The following SPATS2 variants were observed in gnomAD, a reference collection of about 807,000 sequenced individuals.
SPATS2 encodes spermatogenesis-associated serine-rich protein 2.
SPATS2 carries 38 observed loss-of-function variants against 63.7 expected under a neutral mutation model. The observed-to-expected ratio is 0.60, with a 90% confidence interval of 0.46 to 0.78. SPATS2 has a LOEUF of 0.78. SPATS2 is among the 30% of genes least tolerant of loss of function. The pLI is 0.00. For synonymous variants in SPATS2, 207 were observed against 232.9 expected (o/e 0.89, Z 1.01); for missense variants, 588 against 666.2 (o/e 0.88, Z 1.29).
chr12:49,493,345 A>G (rs1946414956), intron 6 of SPATS2, among the ~76,000 whole-genome samples: 1 of 151,840 alleles, frequency 6.6e-6, no homozygotes, highest in Admixed American at 6.6e-5. Flanking sequence ...CCTATGCAAT[A>G]TACTCACATG....
At chr12:49,501,448 C>T (rs571258156) in intron 9 of SPATS2, among the ~76,000 whole-genome samples, 7 of 152,120 alleles carry the variant, frequency 4.6e-5, no homozygotes, top group Non-Finnish European at 4.4e-5. Flanking sequence ...ATGACCTAAT[C>T]ATCTCTTAAA....
At chr12:49,380,987 A>G (rs979137183) in intron 2 of SPATS2, among the ~76,000 whole-genome samples, 11 of 151,532 alleles carry the variant, frequency 7.3e-5, no homozygotes, top group South Asian at 4.2e-4. Flanking sequence ...CGGCTGTACC[A>G]TTTTACATTC....
chr12:49,523,370 A>G (rs576089414), intron 12 of SPATS2, among the ~76,000 whole-genome samples: 15 of 115,520 alleles, frequency 1.3e-4, no homozygotes, highest in African/African-American at 4.7e-4. Flanking sequence ...AGTCCTAGCT[A>G]CTCAGGAGGT....
chr12:49,486,593 C>T (rs1258536235), intron 4 of SPATS2, among the ~76,000 whole-genome samples: 3 of 152,062 alleles, frequency 2.0e-5, no homozygotes, highest in South Asian at 4.1e-4. Flanking sequence ...TATTAACCTT[C>T]GTTGAATTAC....
chr12:49,512,450 A>AG (rs1946768324), intron 9 of SPATS2, among the ~76,000 whole-genome samples: 1 of 151,854 alleles, frequency 6.6e-6, no homozygotes. Flanking sequence ...TTTTTAATGG[A>AG]GGGGTTATAT....
intron 2 of SPATS2, among the ~76,000 whole-genome samples, chr12:49,440,030 G>A (rs1343981907): frequency 6.6e-6 from 1 of 152,142 alleles, no homozygotes; most frequent in Non-Finnish European, 1.5e-5. Flanking sequence ...TTACTGAAAA[G>A]TTACGAGAAT....
chr12:49,367,462 G>A lies in SPATS2; in HGVS notation c.-432G>A, dbSNP rs1347517506. The A allele has an allele frequency of 7.5e-6, 3 of 400,868 alleles. No individual in the cohort carries two copies. The highest frequency in any genetic ancestry group is 1.3e-5 in the Non-Finnish European group (3 of 228,366). The allele number at this position is 400,868 out of a possible 1,614,324, so 24.8% of individuals were successfully genotyped here. ...GAGAGAGCTGGGGGAGGAGCGCGGCGGCGACGGCGGCGGTGGCTCTAGAAG... is the reference window on the plus strand; with the variant it reads ...GAGAGAGCTGGGGGAGGAGCGCGGCAGCGACGGCGGCGGTGGCTCTAGAAG... On this transcript the variant is annotated 5_prime_UTR_variant, in exon 1 of 14. Coordinates refer to ENST00000552918, the MANE Select transcript of SPATS2 (RefSeq NM_023071.4).
chr12:49,471,907 G>C (rs1253127505), intron 3 of SPATS2, among the ~76,000 whole-genome samples: 4 of 152,024 alleles, frequency 2.6e-5, no homozygotes, highest in Non-Finnish European at 5.9e-5. Context: ...CCAGTACTTT[G>C]GGAGGGTCAT....
At chr12:49,420,778 C>T (rs1317154532) in intron 2 of SPATS2, among the ~76,000 whole-genome samples, 4 of 151,974 alleles carry the variant, frequency 2.6e-5, no homozygotes, top group Admixed American at 2.0e-4. Flanking sequence ...CTTGGGAGGC[C>T]GAAGTGAAAT....
intron 2 of SPATS2, among the ~76,000 whole-genome samples, chr12:49,411,996 G>A (rs902214928): frequency 2.0e-5 from 3 of 152,070 alleles, no homozygotes; most frequent in Non-Finnish European, 2.9e-5. Context: ...ACATCGAATT[G>A]TATATCTTCA....
Position 49,500,100 on chromosome 12 carries a change from T to G in SPATS2, c.734T>G (p.Leu245Arg). 6.4e-7 allele frequency: 1 copy of G among 1,562,242 alleles called. No homozygotes were observed. Among genetic ancestry groups the G allele is most frequent in the South Asian group, 1.2e-5 (1 of 81,540 alleles). The change falls in exon 9 of 14, where the codon CTC (leucine) becomes CGC (arginine). Residue 245 changes from leucine (L) to arginine (R), a missense_variant. Physicochemically the swap from Leu to Arg is moderately radical, Grantham distance 102. Coordinates refer to ENST00000552918, the MANE Select transcript of SPATS2 (RefSeq NM_023071.4). ...AATATTGAAAAATCTGTAAAAGACCTCCAGCGCTGCACAGTGTCTCTTGCA... is the reference window on the plus strand; with the variant it reads ...AATATTGAAAAATCTGTAAAAGACCGCCAGCGCTGCACAGTGTCTCTTGCA... Reference protein sequence around the residue: ...SSNIEKSVKDLQRCTVSLARY... With the variant: ...SSNIEKSVKDRQRCTVSLARY...
intron 8 of SPATS2, among the ~76,000 whole-genome samples, chr12:49,498,145 A>AAAAAAAAAATAT (rs66900382): frequency 3.0e-5 from 3 of 98,978 alleles, no homozygotes; most frequent in Admixed American, 1.0e-4. Context: ...AAAAAAAAAA[A>AAAAAAAAAATAT]ATATATATAT....
chr12:49,370,183 C>T (rs1364183462), intron 1 of SPATS2, among the ~76,000 whole-genome samples: 2 of 152,174 alleles, frequency 1.3e-5, no homozygotes, highest in Non-Finnish European at 2.9e-5. Flanking sequence ...AGATGAGGCT[C>T]AGAAGGGCTA....
chr12:49,514,473 T>G, intron 9 of SPATS2, 82 bp from the exon 10 acceptor site: 1 of 1,298,216 alleles, frequency 7.7e-7, no homozygotes. Context: ...AACTCACTGG[T>G]CTTTCTTTAC....
chr12:49,426,205 CTT>C (rs1218019445), intron 2 of SPATS2, among the ~76,000 whole-genome samples: 4 of 146,320 alleles, frequency 2.7e-5, no homozygotes, highest in African/African-American at 5.0e-5. Context: ...TTTTGGTAAA[CTT>C]TTTTTTTTTT....
chr12:49,476,677 C>T (rs1349338829), intron 3 of SPATS2, among the ~76,000 whole-genome samples: 4 of 152,226 alleles, frequency 2.6e-5, no homozygotes, highest in African/African-American at 9.6e-5. Flanking sequence ...GCCACACCCC[C>T]ACTGCATGCC....
At chr12:49,490,763 T>C in intron 6 of SPATS2, 32 bp downstream of exon 6, 1 of 1,601,548 alleles carries the variant, frequency 6.2e-7, no homozygotes, top group Non-Finnish European at 8.5e-7. Flanking sequence ...AGCATGATGA[T>C]GTGTATATTA....
chr12:49,398,207 A>G (rs1440042974), intron 2 of SPATS2, among the ~76,000 whole-genome samples: 2 of 151,818 alleles, frequency 1.3e-5, no homozygotes, highest in African/African-American at 4.8e-5. Context: ...ATGAATGAAT[A>G]AGTAGTTTTA....
chr12:49,372,064 TG>T (rs1944007977), intron 2 of SPATS2, among the ~76,000 whole-genome samples: 1 of 152,092 alleles, frequency 6.6e-6, no homozygotes, highest in South Asian at 2.1e-4. Context: ...TTTGTTTTTT[TG>T]GAGACAGTCT....
Sources: gnomAD v4.1 joint callset for allele counts (sites outside exome capture counted in the v4.1 genomes callset) on GRCh38, gnomAD v4.1.1 for gene constraint, MANE v1.5 for transcripts, NCBI Gene and HGNC (gene_info 2026-07-23, HGNC 2026-07-21) for gene names.